ABCC1: variants seen among roughly 807,000 people sequenced by gnomAD.
ABCC1 encodes ATP binding cassette subfamily C member 1 (ABCC1 blood group), also known as multidrug resistance-associated protein 1.
A neutral mutation model predicts 172.9 loss-of-function variants in ABCC1; 83 were observed. That is an observed-to-expected ratio of 0.48 (90% CI 0.40 to 0.58). The LOEUF is 0.58. ABCC1 is among the 20% of genes least tolerant of loss of function. The pLI, the probability that ABCC1 is intolerant of heterozygous loss-of-function variation, is 0.00. For missense variants in ABCC1, 1,817 were observed against 2,002.7 expected (o/e 0.91, Z 1.77); for synonymous variants, 937 against 825.2 (o/e 1.14, Z -2.32).
intron 23 of ABCC1, among the ~76,000 whole-genome samples, chr16:16,120,448 C>T (rs573916367): frequency 2.0e-5 from 3 of 152,166 alleles, no homozygotes; most frequent in African/African-American, 7.2e-5. Flanking sequence ...TCTAACAAGA[C>T]TTATCGGGAG....
rs545654757 is a variant in ABCC1, at chr16:16,046,420, C to T, written c.1218+407C>T. On this transcript the variant is annotated intron_variant, in intron 9 of 30. Coordinates refer to ENST00000399410, the MANE Select transcript of ABCC1 (RefSeq NM_004996.4). Reference sequence around the variant, plus strand: ...AGTGCAGTGGCATGATATTGGCTCACTGCAACTTCTGCCTCCTGAGTTCAA... The same window carrying T: ...AGTGCAGTGGCATGATATTGGCTCATTGCAACTTCTGCCTCCTGAGTTCAA... Among the ~76,000 whole-genome samples the T allele has an allele frequency of 3.5e-4, 54 of 152,228 alleles. 1 individual carries two copies. Among genetic ancestry groups the T allele is most frequent in the Admixed American group, 1.1e-3 (17 of 15,268 alleles).
intron 30 of ABCC1, among the ~76,000 whole-genome samples, chr16:16,139,244 G>A (rs961614004): frequency 1.3e-5 from 2 of 152,184 alleles, no homozygotes; most frequent in South Asian, 2.1e-4. Context: ...CGAGTGCTGG[G>A]CAGGGCCACT....
chr16:16,101,323 C>T (rs183650616), intron 19 of ABCC1, among the ~76,000 whole-genome samples: 24 of 152,200 alleles, frequency 1.6e-4, no homozygotes, highest in African/African-American at 4.6e-4. Context: ...TGTGAGCCAC[C>T]GTGCCCGGCG....
Position 16,014,573 on chromosome 16 carries a change from C to A in ABCC1, c.434C>A (p.Ala145Asp). 6.2e-7 allele frequency: 1 copy of A among 1,614,090 alleles called. No individual in the cohort carries two copies. Among genetic ancestry groups the A allele is most frequent in the Non-Finnish European group, 8.5e-7 (1 of 1,180,024 alleles). ...ATCATGCTCACTTTCTGGCTGGTAG[C>A]CCTAGTGTGTGCCCTAGCCATCCTG... ...SGIMLTFWLV[A>D]LVCALAILRS... Residue 145 changes from alanine (A) to aspartate (D), a missense_variant, in exon 4 of 31, where the codon GCC becomes GAC. Physicochemically the swap from Ala to Asp is moderately radical, Grantham distance 126. Around this residue, in one of 3 missense-constraint regions of ABCC1, gnomAD observed 398 missense variants for 384.2 expected, o/e 1.04. Coordinates refer to ENST00000399410, the MANE Select transcript of ABCC1 (RefSeq NM_004996.4).
At chr16:16,006,410 C>G (rs553151780) in intron 1 of ABCC1, among the ~76,000 whole-genome samples, 4 of 142,648 alleles carry the variant, frequency 2.8e-5, no homozygotes, top group Non-Finnish European at 4.6e-5. Context: ...AGAGCAAGAC[C>G]TCATTTCAAA....
intron 19 of ABCC1, chr16:16,094,981 C>G (rs1380861930): frequency 2.6e-5 from 4 of 152,030 alleles, no homozygotes; most frequent in Non-Finnish European, 5.9e-5. Context: ...CCACGCCCAG[C>G]TAATTTTTGT....
chr16:16,090,590 TAG>T lies in ABCC1; in HGVS notation c.2644+3_2644+4del. ...AGGAGCAGGATGCAGAGGAGAACGGTAGGGGCAGCCCCAGGGTTCCACCCACT... is the reference window on the plus strand; with the variant it reads ...AGGAGCAGGATGCAGAGGAGAACGGTGGGCAGCCCCAGGGTTCCACCCACT... On this transcript the variant is annotated splice_donor_region_variant and intron_variant, in intron 19 of 30. Transcript: ENST00000399410. The T allele has an allele frequency of 6.3e-7, 1 of 1,582,584 alleles. No homozygotes were observed. The highest frequency in any genetic ancestry group is 1.3e-5 in the African/African-American group (1 of 74,204).
At chr16:16,073,740 G>C (rs9929609) in intron 14 of ABCC1, among the ~76,000 whole-genome samples, 5,713 of 152,292 alleles carry the variant, frequency 0.038, 360 homozygotes, top group African/African-American at 0.13. Flanking sequence ...CTGGGTGTCA[G>C]AGTGAGACCC....
At chr16:16,053,730 T>A (rs2049524262) in intron 11 of ABCC1, among the ~76,000 whole-genome samples, 1 of 123,356 alleles carries the variant, frequency 8.1e-6, no homozygotes, top group Non-Finnish European at 1.6e-5. Flanking sequence ...GAAGCTGTAG[T>A]GAGCCATGAT....
chr16:16,090,678 G>C, intron 19 of ABCC1, 90 bp downstream of exon 19: 1 of 1,392,646 alleles, frequency 7.2e-7, no homozygotes, highest in African/African-American at 1.5e-5. Context: ...CCAGCCACTT[G>C]GGGAAGGCGG....
intron 17 of ABCC1, 92 bp downstream of exon 17, chr16:16,083,634 C>G: frequency 6.7e-7 from 1 of 1,503,668 alleles, no homozygotes; most frequent in South Asian, 1.2e-5. Context: ...GAGTCTGCTG[C>G]TATCAGCTGA....
At chr16:16,024,576 C>T (rs1257518229) in intron 5 of ABCC1, among the ~76,000 whole-genome samples, 1 of 152,160 alleles carries the variant, frequency 6.6e-6, no homozygotes, top group African/African-American at 2.4e-5. Flanking sequence ...TGGTCTTGAA[C>T]TCCTGAGCTC....
chr16:16,080,594 G>A (rs1237023049), intron 16 of ABCC1, among the ~76,000 whole-genome samples: 2 of 152,182 alleles, frequency 1.3e-5, no homozygotes, highest in Admixed American at 6.5e-5. Context: ...GTGGTCTGCA[G>A]CCAGCTCATC....
Position 16,139,611 on chromosome 16 carries a change from C to CAAAAAAAAA in ABCC1, c.4487+1068_4487+1076dup, listed in dbSNP as rs386384360. Among the ~76,000 whole-genome samples, 61 of 57,328 alleles carry CAAAAAAAAA rather than the reference C, an allele frequency of 1.1e-3. 6 individuals carry two copies. Among genetic ancestry groups the CAAAAAAAAA allele is most frequent in the African/African-American group, 4.6e-3 (57 of 12,474 alleles). The allele number at this position is 57,328 out of a possible 152,430, so 37.6% of individuals were successfully genotyped here. On this transcript the variant is annotated intron_variant, in intron 30 of 30. Coordinates refer to ENST00000399410, the MANE Select transcript of ABCC1 (RefSeq NM_004996.4). ...TGGGCAACAGAGTGAGACTCCATCT[C>CAAAAAAAAA]AAAAAAAAAAAAAAAAAAAAAAAGA...
At chr16:16,058,417 T>C (rs2049763576) in intron 12 of ABCC1, among the ~76,000 whole-genome samples, 1 of 152,220 alleles carries the variant, frequency 6.6e-6, no homozygotes, top group South Asian at 2.1e-4. Context: ...GAGTTAAACA[T>C]GTTTATGAAT....
In ABCC1 at chr16:16,090,497, C is replaced by G. The variant is rs1024112975; in HGVS notation, c.2553C>G (p.Ser851=). Reference sequence around the variant, plus strand: ...GCGGCAAGATCTCTGAGATGGGCTCCTACCAGGAGCTGCTGGCTCGAGACG... The same window carrying G: ...GCGGCAAGATCTCTGAGATGGGCTCGTACCAGGAGCTGCTGGCTCGAGACG... ...MSGGKISEMG[S]YQELLARDGA... Residue 851 remains serine, a synonymous_variant, in exon 19 of 31, where the codon TCC becomes TCG. Transcript: ENST00000399410. 1.9e-6 allele frequency: 3 copies of G among 1,613,980 alleles called. No homozygotes were observed. Among genetic ancestry groups the G allele is most frequent in the South Asian group, 2.2e-5 (2 of 91,068 alleles).
intron 5 of ABCC1, among the ~76,000 whole-genome samples, chr16:16,017,707 C>T (rs2048052767): frequency 6.6e-6 from 1 of 152,068 alleles, no homozygotes. Flanking sequence ...CCACGCCTCG[C>T]CTATTCTTTA....
chr16:16,017,400 T>A (rs1449731563), intron 5 of ABCC1, among the ~76,000 whole-genome samples: 3 of 152,012 alleles, frequency 2.0e-5, no homozygotes, highest in Admixed American at 2.0e-4. Context: ...CTGGCTAATT[T>A]TTTTTCTTTC....
Position 16,104,401 on chromosome 16 carries a change from A to T in ABCC1, c.2735+1684A>T, listed in dbSNP as rs116200930. On this transcript the variant is annotated intron_variant, in intron 20 of 30. Coordinates refer to ENST00000399410, the MANE Select transcript of ABCC1 (RefSeq NM_004996.4). ...TTTACAACCCCTGAGCTAGATACGT[A>T]AGTTCCCCACATCCCCACTAGATTA... 3.7e-3 allele frequency among the ~76,000 whole-genome samples: 559 copies of T among 152,230 alleles called. 3 individuals carry two copies. The highest frequency in any genetic ancestry group is 0.012 in the African/African-American group (519 of 41,528).
Sources: allele counts gnomAD v4.1 joint callset (sites outside exome capture counted in the v4.1 genomes callset), GRCh38; gene constraint gnomAD v4.1.1; regional missense constraint gnomAD v4.1.1; transcripts MANE v1.5; gene names NCBI Gene and HGNC (gene_info 2026-07-23, HGNC 2026-07-21).